RERE: variants seen among roughly 807,000 people sequenced by gnomAD.
RERE encodes arginine-glutamic acid dipeptide repeats.
In RERE, 40 loss-of-function variants were observed where a neutral mutation model predicts 146.1. The ratio of observed to expected loss-of-function variants is 0.27; its 90% CI spans 0.21 to 0.36. The LOEUF is 0.36. RERE is among the 10% of genes least tolerant of loss of function. The probability of loss-of-function intolerance (pLI) is 1.00; values close to 1 mark genes in which losing one functional copy is unlikely to be tolerated. For missense variants in RERE, 1,933 were observed against 2,138.7 expected, an observed-to-expected ratio of 0.90 and a Z score of 1.90; for synonymous variants, 1,003 against 866.0, an observed-to-expected ratio of 1.16 and a Z score of -2.78.
At chr1:8,812,812 C>T (rs1329636861) in intron 1 of RERE, among the ~76,000 whole-genome samples, 1 of 152,126 alleles carries the variant, frequency 6.6e-6, no homozygotes, top group African/African-American at 2.4e-5. Context: ...ACAATTCCAA[C>T]CCAAACTTGA....
chr1:8,425,181 C>T (rs1570211757), intron 11 of RERE: 1 of 152,226 alleles, frequency 6.6e-6, no homozygotes, highest in African/African-American at 2.4e-5. Flanking sequence ...CACACTCCAC[C>T]TCAGTAATCA....
At chr1:8,782,783 G>A (rs1490283431) in intron 1 of RERE, among the ~76,000 whole-genome samples, 1 of 152,164 alleles carries the variant, frequency 6.6e-6, no homozygotes, top group Admixed American at 6.5e-5. Flanking sequence ...GCAGGCACCT[G>A]TAGTCTCAGC....
At chr1:8,802,749 C>T (rs1215789608) in intron 1 of RERE, among the ~76,000 whole-genome samples, 1 of 151,964 alleles carries the variant, frequency 6.6e-6, no homozygotes, top group Non-Finnish European at 1.5e-5. Flanking sequence ...TTTGTATGCC[C>T]TATTTTGCTA....
At chr1:8,439,876 C>A (rs1644223405) in intron 11 of RERE, among the ~76,000 whole-genome samples, 1 of 151,946 alleles carries the variant, frequency 6.6e-6, no homozygotes, top group African/African-American at 2.4e-5. Flanking sequence ...AGTTTGAGAC[C>A]AGCCTGGCCA....
At chr1:8,775,327 T>C (rs1641044876) in intron 1 of RERE, among the ~76,000 whole-genome samples, 1 of 152,152 alleles carries the variant, frequency 6.6e-6, no homozygotes, top group African/African-American at 2.4e-5. Flanking sequence ...ATCCCAACAC[T>C]TTGGGAGGCC....
rs186749348 is a variant in RERE, at chr1:8,448,153, C to T, written c.1203+17772G>A. 1.8e-4 allele frequency among the ~76,000 whole-genome samples: 28 copies of T among 152,278 alleles called. No homozygotes were observed. In the East Asian group the frequency reaches 5.4e-3, roughly 29 times the overall value. On this transcript the variant is annotated intron_variant, in intron 11 of 22. Coordinates refer to ENST00000400908, the MANE Select transcript of RERE (RefSeq NM_001042681.2). ...GTTCCTGTCCAGGGCCACCTGGAGGCCTCTGCACACGACAGGCATTTAATA... is the reference window on the plus strand; with the variant it reads ...GTTCCTGTCCAGGGCCACCTGGAGGTCTCTGCACACGACAGGCATTTAATA...
At chr1:8,482,037 C>G (rs1644840644) in intron 10 of RERE, among the ~76,000 whole-genome samples, 1 of 152,126 alleles carries the variant, frequency 6.6e-6, no homozygotes, top group African/African-American at 2.4e-5. Context: ...AATACCACCA[C>G]ACGGATGATG....
At chr1:8,386,020 ATATTTTTTTTTTTTT>A (rs1216036838) in intron 12 of RERE, among the ~76,000 whole-genome samples, 30 of 36,692 alleles carry the variant, frequency 8.2e-4, no homozygotes, top group African/African-American at 3.1e-3. Flanking sequence ...ATATATATAT[ATATTTTTTTTTTTTT>A]TTTTTTTTTT....
At chr1:8,773,015 A>G (rs1477375415) in intron 1 of RERE, among the ~76,000 whole-genome samples, 2 of 152,228 alleles carry the variant, frequency 1.3e-5, no homozygotes, top group African/African-American at 4.8e-5. Context: ...TGAACCCAGG[A>G]GGTGAAGGTT....
At chr1:8,615,852 T>A (rs1185607927) in intron 3 of RERE, among the ~76,000 whole-genome samples, 1 of 152,132 alleles carries the variant, frequency 6.6e-6, no homozygotes, top group Non-Finnish European at 1.5e-5. Flanking sequence ...GAATGTTTTA[T>A]CATGATCATT....
rs751808354 is a variant in RERE, at chr1:8,358,593, G to A, written c.3942C>T (p.Ile1314=). ...LREREIRERE[I]RERELRERMK... ...TCCTCTCCCGCAGCTCCCGCTCTCGGATCTCCCGCTCTCGGATCTCCCGCT... is the reference window on the plus strand; with the variant it reads ...TCCTCTCCCGCAGCTCCCGCTCTCGAATCTCCCGCTCTCGGATCTCCCGCT... The change falls in exon 20 of 23, where the codon ATC becomes ATT. Residue 1314 remains isoleucine (I), a synonymous_variant. Transcript: ENST00000400908. The A allele has an allele frequency of 1.4e-5, 23 of 1,600,448 alleles. No homozygotes were observed. The highest frequency in any genetic ancestry group is 3.4e-6 in the Non-Finnish European group (4 of 1,173,472).
intron 12 of RERE, among the ~76,000 whole-genome samples, chr1:8,369,508 TAAAAAAAA>T (rs1186718390): frequency 7.8e-5 from 6 of 76,892 alleles, no homozygotes; most frequent in Non-Finnish European, 1.3e-4. Context: ...CGCCTTTTAC[TAAAAAAAA>T]AAAAAAAAAA....
intron 19 of RERE, among the ~76,000 whole-genome samples, chr1:8,359,486 C>T (rs1410102046): frequency 1.3e-5 from 2 of 152,242 alleles, no homozygotes; most frequent in Non-Finnish European, 2.9e-5. Context: ...CCAAAGGCTG[C>T]AGGAGAAGGA....
At chr1:8,559,280 CAAAAAAAAAAAAAAA>C (rs548075266) in intron 4 of RERE, among the ~76,000 whole-genome samples, 1 of 12,086 alleles carries the variant, frequency 8.3e-5, no homozygotes, top group Non-Finnish European at 1.6e-4. Context: ...AACTCCAGCT[CAAAAAAAAAAAAAAA>C]AAAAAAAAAC....
intron 1 of RERE, among the ~76,000 whole-genome samples, chr1:8,816,451 C>T (rs561348730): frequency 6.6e-6 from 1 of 152,264 alleles, no homozygotes; most frequent in Admixed American, 6.5e-5. Context: ...AATGACAATT[C>T]AACAATGAAT....
At chr1:8,459,008 A>C (rs1644488968) in intron 11 of RERE, among the ~76,000 whole-genome samples, 1 of 152,234 alleles carries the variant, frequency 6.6e-6, no homozygotes, top group South Asian at 2.1e-4. Context: ...TAATTGACAG[A>C]ACTGACTGCC....
chr1:8,546,276 T>C (rs1645860847), intron 6 of RERE, among the ~76,000 whole-genome samples: 1 of 143,438 alleles, frequency 7.0e-6, no homozygotes, highest in South Asian at 2.2e-4. Context: ...CCACCATGCC[T>C]GGACAAAAAT....
intron 1 of RERE, among the ~76,000 whole-genome samples, chr1:8,741,854 C>T (rs577599617): frequency 6.6e-6 from 1 of 152,258 alleles, no homozygotes; most frequent in South Asian, 2.1e-4. Context: ...ATATGTTGAT[C>T]AGTGTACATG....
chr1:8,494,787 ACTTGG>A (rs548018652), intron 10 of RERE, among the ~76,000 whole-genome samples: 288 of 152,348 alleles, frequency 1.9e-3, no homozygotes, highest in Non-Finnish European at 3.3e-3. Context: ...TATGCACAGT[ACTTGG>A]CTTTGTGAGG....
Sources: gnomAD v4.1 joint callset for allele counts (sites outside exome capture counted in the v4.1 genomes callset) on GRCh38, gnomAD v4.1.1 for gene constraint, MANE v1.5 for transcripts, NCBI Gene and HGNC (gene_info 2026-07-23, HGNC 2026-07-21) for gene names.